Variants in IFT52 observed in about 807,000 individuals in gnomAD.
IFT52 encodes the protein intraflagellar transport 52.
In IFT52, 44 loss-of-function variants were observed where a neutral mutation model predicts 54.4. The observed-to-expected ratio is 0.81, with a 90% CI of 0.63 to 1.04. The LOEUF is 1.04. IFT52 is among the 50% of genes least tolerant of loss of function. The pLI is 0.00. For missense variants in IFT52, 452 were observed against 523.6 expected, an observed-to-expected ratio of 0.86 and a Z score of 1.33; for synonymous variants, 181 against 185.3, an observed-to-expected ratio of 0.98 and a Z score of 0.19.
At chr20:43,613,726 C>A in intron 6 of IFT52, 124 bp from the exon 7 acceptor site, 3 of 931,968 alleles carry the variant, frequency 3.2e-6, no homozygotes, top group Non-Finnish European at 5.0e-6. Flanking sequence ...CACTGCACTG[C>A]AGCCTGGGTG....
At chr20:43,610,448 T>C (rs908732928) in intron 6 of IFT52, among the ~76,000 whole-genome samples, 1 of 151,682 alleles carries the variant, frequency 6.6e-6, no homozygotes, top group African/African-American at 2.4e-5. Context: ...CAAGAATCAA[T>C]CTAGGCTGGG....
intron 7 of IFT52, 101 bp from the exon 8 acceptor site, chr20:43,618,839 A>G (rs1178324744): frequency 3.9e-6 from 3 of 770,484 alleles, no homozygotes; most frequent in Non-Finnish European, 6.7e-6. Flanking sequence ...TCTTCAGTAT[A>G]TAAGACAGTT....
At chr20:43,595,871 A>T (rs2145582833) in intron 2 of IFT52, among the ~76,000 whole-genome samples, 1 of 152,330 alleles carries the variant, frequency 6.6e-6, no homozygotes, top group South Asian at 2.1e-4. Flanking sequence ...TGGGAAACAG[A>T]GGGAGACTCT....
chr20:43,629,591 C>T (rs552194243), intron 10 of IFT52, among the ~76,000 whole-genome samples: 1 of 152,200 alleles, frequency 6.6e-6, no homozygotes, highest in East Asian at 1.9e-4. Context: ...GTTTTACAGA[C>T]ATTGAACCCC....
intron 6 of IFT52, among the ~76,000 whole-genome samples, chr20:43,606,104 C>T (rs1288807335): frequency 1.3e-5 from 2 of 151,778 alleles, no homozygotes; most frequent in Admixed American, 1.3e-4. Flanking sequence ...GCCTATAATC[C>T]CAGCTACTGG....
rs1985980963 is a variant in IFT52, at chr20:43,642,506, T to G, written c.1148T>G (p.Val383Gly). 6.2e-7 allele frequency: 1 copy of G among 1,613,994 alleles called. No individual in the cohort carries two copies. Among genetic ancestry groups the G allele is most frequent in the Non-Finnish European group, 8.5e-7 (1 of 1,179,978 alleles). Residue 383 changes from valine to glycine, a missense_variant, in exon 13 of 14, where the codon GTC becomes GGC. By Grantham distance (109) the Val-to-Gly change is moderately radical. Coordinates refer to ENST00000373030, the MANE Select transcript of IFT52 (RefSeq NM_016004.5). Reference protein sequence around the residue: ...KCTEEDLEFYVRKCGDILGVT... With the variant: ...KCTEEDLEFYGRKCGDILGVT... ...ACTGAAGAAGACCTGGAATTTTATG[T>G]CAGGAAGTGTGGTGATATTCTTGGA...
At chr20:43,622,727 A>C (rs745583253) in intron 9 of IFT52, among the ~76,000 whole-genome samples, 1 of 144,908 alleles carries the variant, frequency 6.9e-6, no homozygotes, top group Non-Finnish European at 1.5e-5. Flanking sequence ...ATGTAAATAT[A>C]AATATATACA....
intron 10 of IFT52, among the ~76,000 whole-genome samples, chr20:43,634,564 A>G (rs575812480): frequency 7.9e-5 from 12 of 152,166 alleles, no homozygotes; most frequent in Non-Finnish European, 1.5e-4. Context: ...AGATTTAACT[A>G]TGTAATCTAT....
intron 3 of IFT52, among the ~76,000 whole-genome samples, chr20:43,601,158 A>G (rs571775583): frequency 5.3e-5 from 8 of 152,226 alleles, no homozygotes; most frequent in African/African-American, 1.9e-4. Flanking sequence ...ATGTCCTTAA[A>G]CATTAATATT....
At chr20:43,628,250 A>G (rs6030994) in intron 10 of IFT52, among the ~76,000 whole-genome samples, 26 of 152,208 alleles carry the variant, frequency 1.7e-4, no homozygotes, top group African/African-American at 6.0e-4. Context: ...TTTAGACAGA[A>G]TCATGGATCA....
chr20:43,604,293 G>A (rs763245548), intron 5 of IFT52, 35 bp downstream of exon 5: 2 of 1,472,602 alleles, frequency 1.4e-6, no homozygotes, highest in East Asian at 4.5e-5. Context: ...TCTTGGCAAG[G>A]CATCGTCGCT....
At chr20:43,635,824 A>G in intron 10 of IFT52, 102 bp from the exon 11 acceptor site, 2 of 981,324 alleles carry the variant, frequency 2.0e-6, no homozygotes, top group South Asian at 1.5e-5. Context: ...TAAAAATAGT[A>G]CTGAACCACT....
chr20:43,594,187 A>G (rs1320425499), intron 1 of IFT52, among the ~76,000 whole-genome samples: 1 of 152,084 alleles, frequency 6.6e-6, no homozygotes, highest in Non-Finnish European at 1.5e-5. Context: ...ACGTGCCTGT[A>G]ATCCTGGCAA....
chr20:43,598,319 G>C (rs1469221210), intron 3 of IFT52, among the ~76,000 whole-genome samples: 1 of 152,176 alleles, frequency 6.6e-6, no homozygotes, highest in East Asian at 1.9e-4. Flanking sequence ...GAGCGTTGCT[G>C]CTTAATAGGT....
chr20:43,634,595 T>C (rs979289557), intron 10 of IFT52, among the ~76,000 whole-genome samples: 2 of 152,172 alleles, frequency 1.3e-5, no homozygotes, highest in Admixed American at 6.5e-5. Context: ...ATGCATATTC[T>C]ATTTAGAGAG....
chr20:43,603,947 C>G (rs73907863), intron 4 of IFT52, 58 bp downstream of exon 4: 1 of 1,245,676 alleles, frequency 8.0e-7, no homozygotes, highest in African/African-American at 1.5e-5. Context: ...TATTTGATAT[C>G]ATAGCCCTCT....
chr20:43,634,774 T>G (rs1046823628), intron 10 of IFT52, among the ~76,000 whole-genome samples: 23 of 152,136 alleles, frequency 1.5e-4, no homozygotes, highest in Admixed American at 5.9e-4. Context: ...TAGTTATTTT[T>G]CCCGATCCTC....
chr20:43,638,594 G>C (rs1366129661), intron 12 of IFT52, among the ~76,000 whole-genome samples: 1 of 152,020 alleles, frequency 6.6e-6, no homozygotes, highest in African/African-American at 2.4e-5. Flanking sequence ...AACATAGCAA[G>C]ACCCTGTCTC....
At chr20:43,592,922 G>A (rs1981646612) in intron 1 of IFT52, among the ~76,000 whole-genome samples, 1 of 152,152 alleles carries the variant, frequency 6.6e-6, no homozygotes, top group East Asian at 1.9e-4. Flanking sequence ...GCAACATAGC[G>A]AGACCTTGCT....
Sources: allele counts gnomAD v4.1 joint callset (sites outside exome capture counted in the v4.1 genomes callset), GRCh38; gene constraint gnomAD v4.1.1; transcripts MANE v1.5; gene names NCBI Gene and HGNC (gene_info 2026-07-23, HGNC 2026-07-21).